Variants in CNTNAP5 observed in about 807,000 individuals in gnomAD.
CNTNAP5 encodes contactin associated protein family member 5.
A neutral mutation model predicts 150.2 loss-of-function variants in CNTNAP5; 72 were observed. The ratio of observed to expected loss-of-function variants is 0.48; its 90% CI spans 0.40 to 0.58. The LOEUF (loss-of-function observed/expected upper bound fraction) is 0.58. CNTNAP5 is among the 20% of genes least tolerant of loss of function. CNTNAP5 has a pLI of 0.00. For missense variants in CNTNAP5, 1,636 were observed against 1,626.2 expected, an observed-to-expected ratio of 1.01 and a Z score of -0.10; for synonymous variants, 672 against 619.8, an observed-to-expected ratio of 1.08 and a Z score of -1.25.
At chr2:124,911,654 A>C in intron 23 of CNTNAP5, 116 bp downstream of exon 23, 1 of 770,096 alleles carries the variant, frequency 1.3e-6, no homozygotes, top group Non-Finnish European at 2.2e-6. Context: ...CCCCTACATT[A>C]CCTGCAAGAC....
intron 1 of CNTNAP5, among the ~76,000 whole-genome samples, chr2:124,057,350 C>A (rs530655617): frequency 1.3e-5 from 2 of 148,588 alleles, no homozygotes; most frequent in African/African-American, 5.0e-5. Context: ...GGCGTGATCT[C>A]GGCTCACTGC....
At chr2:124,334,496 G>A (rs748220308) in intron 3 of CNTNAP5, among the ~76,000 whole-genome samples, 1 of 152,124 alleles carries the variant, frequency 6.6e-6, no homozygotes, top group Admixed American at 6.5e-5. Flanking sequence ...GAAAGAGGAA[G>A]TTTCAGTCCA....
intron 13 of CNTNAP5, among the ~76,000 whole-genome samples, chr2:124,686,938 G>A (rs374135925): frequency 6.6e-6 from 1 of 152,050 alleles, no homozygotes; most frequent in African/African-American, 2.4e-5. Context: ...TTCCTGAAAC[G>A]GTAGAAATGT....
intron 13 of CNTNAP5, among the ~76,000 whole-genome samples, chr2:124,699,373 T>C (rs1679472796): frequency 6.6e-6 from 1 of 152,180 alleles, no homozygotes. Flanking sequence ...GAAGCAATAC[T>C]GGAAAACTCC....
At chr2:124,125,416 G>A (rs1683667109) in intron 1 of CNTNAP5, among the ~76,000 whole-genome samples, 1 of 152,124 alleles carries the variant, frequency 6.6e-6, no homozygotes, top group African/African-American at 2.4e-5. Context: ...CATAAAGCAA[G>A]CCCTTAGAGA....
At chr2:124,826,388 A>C (rs1451978872) in intron 19 of CNTNAP5, among the ~76,000 whole-genome samples, 3 of 152,146 alleles carry the variant, frequency 2.0e-5, no homozygotes, top group Non-Finnish European at 4.4e-5. Flanking sequence ...TGGGATGTTA[A>C]GAAAACTCAG....
intron 11 of CNTNAP5, among the ~76,000 whole-genome samples, chr2:124,608,928 A>G (rs1423588122): frequency 6.6e-6 from 1 of 151,786 alleles, no homozygotes; most frequent in Admixed American, 6.6e-5. Flanking sequence ...TGGGCAACAG[A>G]GCAGACTCTA....
intron 1 of CNTNAP5, among the ~76,000 whole-genome samples, chr2:124,086,401 C>T (rs1296627329): frequency 1.3e-5 from 2 of 151,380 alleles, no homozygotes; most frequent in Non-Finnish European, 2.9e-5. Flanking sequence ...AACGGGGTTT[C>T]ATCGTGTTAG....
intron 8 of CNTNAP5, among the ~76,000 whole-genome samples, chr2:124,521,748 C>A (rs1694851053): frequency 6.6e-6 from 1 of 152,158 alleles, no homozygotes; most frequent in Non-Finnish European, 1.5e-5. Context: ...ATATGTTATG[C>A]AGATGTATTC....
chr2:124,033,772 A>T (rs1681129493), intron 1 of CNTNAP5, among the ~76,000 whole-genome samples: 1 of 152,108 alleles, frequency 6.6e-6, no homozygotes, highest in Admixed American at 6.5e-5. Context: ...TAACTCCATT[A>T]ATCTCCTGAA....
chr2:124,027,636 A>T (rs1447028362), intron 1 of CNTNAP5, among the ~76,000 whole-genome samples: 1 of 152,248 alleles, frequency 6.6e-6, no homozygotes, highest in Admixed American at 6.5e-5. Context: ...GCTTATCATT[A>T]CCGATGTAGT....
chr2:124,119,168 T>G (rs897907556), intron 1 of CNTNAP5, among the ~76,000 whole-genome samples: 1 of 152,170 alleles, frequency 6.6e-6, no homozygotes, highest in African/African-American at 2.4e-5. Flanking sequence ...GTTTCCTGAC[T>G]ACCTAGAAAG....
intron 1 of CNTNAP5, among the ~76,000 whole-genome samples, chr2:124,182,483 A>C (rs1685232293): frequency 6.6e-6 from 1 of 152,208 alleles, no homozygotes; most frequent in Non-Finnish European, 1.5e-5. Context: ...TGTCTAGAAT[A>C]CTAAAACCTT....
intron 5 of CNTNAP5, among the ~76,000 whole-genome samples, chr2:124,443,921 G>A (rs1019511274): frequency 2.6e-5 from 4 of 151,606 alleles, no homozygotes; most frequent in Non-Finnish European, 5.9e-5. Context: ...TTTGTTCAAT[G>A]CCTTTCTTAT....
At chr2:124,628,060 GC>G (rs1449003541) in intron 12 of CNTNAP5, among the ~76,000 whole-genome samples, 1 of 152,158 alleles carries the variant, frequency 6.6e-6, no homozygotes, top group East Asian at 1.9e-4. Flanking sequence ...GAATTATGGT[GC>G]TATGTAAAAA....
At chr2:124,773,909 CGTGT>C (rs55795835) in intron 17 of CNTNAP5, among the ~76,000 whole-genome samples, 60,868 of 131,772 alleles carry the variant, frequency 0.46, 14,075 homozygotes, top group East Asian at 0.71. Context: ...TAAGGGAGTG[CGTGT>C]GTGTGTGTGT....
intron 3 of CNTNAP5, among the ~76,000 whole-genome samples, chr2:124,254,651 G>C (rs1185741176): frequency 6.6e-6 from 1 of 152,182 alleles, no homozygotes; most frequent in African/African-American, 2.4e-5. Flanking sequence ...AAAATCATTT[G>C]AGCATGGCTT....
intron 10 of CNTNAP5, among the ~76,000 whole-genome samples, chr2:124,551,848 G>A (rs1504012): frequency 0.21 from 31,443 of 152,060 alleles, 3,972 homozygotes; most frequent in South Asian, 0.31. Context: ...AATTATTTCC[G>A]TAGGTTTTTA....
intron 7 of CNTNAP5, among the ~76,000 whole-genome samples, chr2:124,489,365 A>G (rs1216320215): frequency 1.3e-5 from 2 of 152,188 alleles, no homozygotes; most frequent in Non-Finnish European, 2.9e-5. Flanking sequence ...GTCTTCACAT[A>G]GTCTCCTCAT....
Sources: gnomAD v4.1 joint callset for allele counts (sites outside exome capture counted in the v4.1 genomes callset) on GRCh38, gnomAD v4.1.1 for gene constraint, MANE v1.5 for transcripts, NCBI Gene and HGNC (gene_info 2026-07-23, HGNC 2026-07-21) for gene names.